The following NPHP4 variants were observed in gnomAD, a reference collection of about 807,000 sequenced individuals.
The protein encoded by NPHP4 is nephrocystin 4, also known as nephrocystin-4.
In NPHP4, 151 loss-of-function variants were observed where a neutral mutation model predicts 155.8. The ratio of observed to expected loss-of-function variants is 0.97; its 90% confidence interval spans 0.85 to 1.11. The LOEUF is 1.11. Among genes scored for constraint, NPHP4 ranks in the 50% least tolerant of loss-of-function variants. The probability of loss-of-function intolerance (pLI) is 0.00; values close to 1 mark genes in which losing one functional copy is unlikely to be tolerated. For synonymous variants in NPHP4, 845 were observed against 816.8 expected (o/e 1.03, Z -0.59); for missense variants, 1,956 against 1,925.7 (o/e 1.02, Z -0.29).
intron 18 of NPHP4, among the ~76,000 whole-genome samples, chr1:5,884,321 C>A (rs1005933671): frequency 6.6e-6 from 1 of 152,126 alleles, no homozygotes; most frequent in East Asian, 1.9e-4. Flanking sequence ...CCCAGTTCTC[C>A]TAGGATGTCC....
intron 20 of NPHP4, 124 bp downstream of exon 20, chr1:5,876,969 T>C (rs929618809): frequency 9.6e-5 from 64 of 668,496 alleles, no homozygotes; most frequent in South Asian, 1.4e-4. Flanking sequence ...GATTTTCTTA[T>C]ATTCTGTCCC....
At chr1:5,952,952 T>G in intron 6 of NPHP4, 116 bp from the exon 7 acceptor site, 1 of 905,528 alleles carries the variant, frequency 1.1e-6, no homozygotes. Flanking sequence ...CGAAGGGTGC[T>G]CGGGACTCCC....
At chr1:5,962,911 A>G (rs551353863) in intron 5 of NPHP4, among the ~76,000 whole-genome samples, 4 of 152,242 alleles carry the variant, frequency 2.6e-5, no homozygotes, top group South Asian at 2.1e-4. Context: ...CAAACGGCCA[A>G]TCTTGCTCGG....
intron 16 of NPHP4, among the ~76,000 whole-genome samples, chr1:5,902,032 G>A (rs1010102023): frequency 1.3e-5 from 2 of 152,192 alleles, no homozygotes; most frequent in Non-Finnish European, 2.9e-5. Context: ...CCAAACCCTG[G>A]AAATGCTGTA....
chr1:5,942,143 T>A (rs149348233), intron 9 of NPHP4, among the ~76,000 whole-genome samples: 71 of 152,170 alleles, frequency 4.7e-4, no homozygotes, highest in African/African-American at 1.7e-3. Context: ...TGCCCCTTGC[T>A]CACACGGACC....
At chr1:5,927,916 A>G in intron 10 of NPHP4, 129 bp from the exon 11 acceptor site, 2 of 951,982 alleles carry the variant, frequency 2.1e-6, no homozygotes, top group Non-Finnish European at 3.1e-6. Flanking sequence ...TCTTGATGCC[A>G]CATGTTCTCA....
chr1:5,870,494 A>G (rs1641883832), intron 23 of NPHP4, among the ~76,000 whole-genome samples: 1 of 152,050 alleles, frequency 6.6e-6, no homozygotes. Flanking sequence ...CTACCAACCA[A>G]CTCGGGCCAG....
chr1:5,874,800 C>A, intron 21 of NPHP4, 74 bp downstream of exon 21: 1 of 1,552,574 alleles, frequency 6.4e-7, no homozygotes. Context: ...GAATTCGAGC[C>A]AGCTCAGCAG....
chr1:5,914,897 C>T (rs1645384498), intron 11 of NPHP4, among the ~76,000 whole-genome samples: 1 of 152,104 alleles, frequency 6.6e-6, no homozygotes, highest in Non-Finnish European at 1.5e-5. Flanking sequence ...GCCCGACTGC[C>T]CCAGCAGGTG....
Position 5,867,797 on chromosome 1 carries a change from G to A in NPHP4, c.3415C>T (p.Pro1139Ser). 1.2e-6 allele frequency: 2 copies of A among 1,612,950 alleles called. No individual in the cohort carries two copies. Residue 1139 changes from proline to serine, a missense_variant, in exon 24 of 30, where the codon CCG (proline) becomes TCG (serine). By Grantham distance (74) the Pro-to-Ser change is moderately conservative. Transcript: ENST00000378156. This position sits in a 1 kb window ranked among gnomAD's most constrained non-coding sequence, Gnocchi z 4.1. ...VVDQVFRFYH[P>S]ELSFLKKAIR... Reference sequence around the variant, plus strand: ...GCCTTCTTCAGGAAGGAGAGCTCCGGGTGATAGAAGCGGAAGACCTGGTCC... The same window carrying A: ...GCCTTCTTCAGGAAGGAGAGCTCCGAGTGATAGAAGCGGAAGACCTGGTCC...
intron 4 of NPHP4, among the ~76,000 whole-genome samples, chr1:5,968,728 T>C (rs540496277): frequency 7.9e-5 from 12 of 151,786 alleles, no homozygotes; most frequent in Non-Finnish European, 1.6e-4. Context: ...TAAACCACCA[T>C]AGAAAGATGC....
chr1:5,864,860 T>TGTTC, intron 27 of NPHP4: 3 of 563,878 alleles, frequency 5.3e-6, no homozygotes, highest in Non-Finnish European at 9.5e-6. Context: ...CTCCTGTCAC[T>TGTTC]GTTCACCTTG....
intron 1 of NPHP4, among the ~76,000 whole-genome samples, chr1:5,991,067 C>G (rs1656191265): frequency 6.6e-6 from 1 of 152,082 alleles, no homozygotes; most frequent in Admixed American, 6.5e-5. Flanking sequence ...AAGGAAGATG[C>G]AGGGGGTGGG....
chr1:5,868,105 G>C, intron 23 of NPHP4: 2 of 697,318 alleles, frequency 2.9e-6, no homozygotes, highest in Non-Finnish European at 5.3e-6. Flanking sequence ...AGCAAGGTCT[G>C]GGCCGGCACC....
At chr1:5,956,930 GC>G in intron 6 of NPHP4, among the ~76,000 whole-genome samples, 1 of 152,190 alleles carries the variant, frequency 6.6e-6, no homozygotes, top group Non-Finnish European at 1.5e-5. Flanking sequence ...TCACATCGTG[GC>G]TAGACGTGGA....
At chr1:5,983,526 C>G (rs569863797) in intron 2 of NPHP4, among the ~76,000 whole-genome samples, 2 of 152,324 alleles carry the variant, frequency 1.3e-5, no homozygotes, top group South Asian at 4.1e-4. Context: ...CTGTGTGACT[C>G]AACTGAGAGA....
intron 23 of NPHP4, among the ~76,000 whole-genome samples, chr1:5,869,055 G>A (rs111214136): frequency 0.06 from 5,730 of 94,814 alleles, 131 homozygotes; most frequent in Non-Finnish European, 0.078. Context: ...GCCCCCACAC[G>A]CACACACATG....
At chr1:5,962,110 T>C (rs924417026) in intron 5 of NPHP4, among the ~76,000 whole-genome samples, 161 bp from the exon 6 acceptor site, 5 of 152,242 alleles carry the variant, frequency 3.3e-5, no homozygotes, top group African/African-American at 1.2e-4. Context: ...GTGAAAGGCA[T>C]TGATCTTTAA....
chr1:5,947,079 C>T (rs762122713), intron 9 of NPHP4, 25 bp downstream of exon 9: 2 of 1,613,528 alleles, frequency 1.2e-6, no homozygotes, highest in Admixed American at 1.7e-5. Context: ...CCAGAGGAAA[C>T]CGAGTGCAAA....
Sources: gnomAD v4.1 joint callset for allele counts (sites outside exome capture counted in the v4.1 genomes callset) on GRCh38, gnomAD v4.1.1 for gene constraint, Gnocchi (gnomAD v3.1) non-coding constraint, MANE v1.5 for transcripts, NCBI Gene and HGNC (gene_info 2026-07-23, HGNC 2026-07-21) for gene names.